MDGA2: variants seen among roughly 807,000 people sequenced by gnomAD.
MDGA2 encodes the protein MAM domain-containing glycosylphosphatidylinositol anchor protein 2.
In MDGA2, 40 loss-of-function variants were observed where a neutral mutation model predicts 117.8. The ratio of observed to expected loss-of-function variants is 0.34; its 90% CI spans 0.26 to 0.44. The LOEUF is 0.44. Among genes scored for constraint, MDGA2 ranks in the 20% least tolerant of loss-of-function variants. MDGA2 has a pLI of 1.00. For synonymous variants in MDGA2, 452 were observed against 439.0 expected (o/e 1.03, Z -0.37); for missense variants, 1,123 against 1,250.6 (o/e 0.90, Z 1.54).
At chr14:46,980,128 A>G (rs1594489348) in intron 8 of MDGA2, among the ~76,000 whole-genome samples, 1 of 152,320 alleles carries the variant, frequency 6.6e-6, no homozygotes, top group East Asian at 1.9e-4. Context: ...TGCTAAATCA[A>G]CATTATGAAT....
At chr14:47,627,708 A>C (rs1350666058) in intron 1 of MDGA2, among the ~76,000 whole-genome samples, 1 of 152,184 alleles carries the variant, frequency 6.6e-6, no homozygotes, top group Non-Finnish European at 1.5e-5. Context: ...AGTCTGCCCC[A>C]GCCAGCAGTG....
chr14:47,203,367 C>T (rs2139451180), intron 3 of MDGA2, among the ~76,000 whole-genome samples: 1 of 151,736 alleles, frequency 6.6e-6, no homozygotes, highest in South Asian at 2.1e-4. Flanking sequence ...TTTTGTGGTC[C>T]TGAAAGGAAG....
chr14:47,251,957 G>A (rs1436566008), intron 2 of MDGA2, among the ~76,000 whole-genome samples: 1 of 112,596 alleles, frequency 8.9e-6, no homozygotes, highest in African/African-American at 2.9e-5. Flanking sequence ...TATTATTATT[G>A]GTGGTGGTTT....
At chr14:46,875,833 T>C (rs1256542072) in intron 12 of MDGA2, among the ~76,000 whole-genome samples, 1 of 151,642 alleles carries the variant, frequency 6.6e-6, no homozygotes, top group Non-Finnish European at 1.5e-5. Context: ...GATAAAGGAT[T>C]TCAGTTTATG....
chr14:46,893,665 AATT>A (rs1225577086), intron 10 of MDGA2, among the ~76,000 whole-genome samples: 8 of 152,154 alleles, frequency 5.3e-5, no homozygotes, highest in African/African-American at 1.7e-4. Flanking sequence ...CAAATTTAAA[AATT>A]ATTAATAGTG....
intron 1 of MDGA2, among the ~76,000 whole-genome samples, chr14:47,392,928 T>A (rs976829336): frequency 6.6e-6 from 1 of 152,040 alleles, no homozygotes; most frequent in Admixed American, 6.6e-5. Flanking sequence ...TTACTTTTAT[T>A]TCTTCATGAG....
intron 1 of MDGA2, among the ~76,000 whole-genome samples, chr14:47,422,148 C>G (rs1309976686): frequency 6.6e-6 from 1 of 152,114 alleles, no homozygotes. Flanking sequence ...ATTTTCTACT[C>G]TCTTCCTTGG....
chr14:47,401,908 T>A (rs2138463974), intron 1 of MDGA2, among the ~76,000 whole-genome samples: 1 of 152,356 alleles, frequency 6.6e-6, no homozygotes, highest in Non-Finnish European at 1.5e-5. Flanking sequence ...GGTTGACAGA[T>A]GAGAGACAGT....
intron 1 of MDGA2, among the ~76,000 whole-genome samples, chr14:47,537,152 G>A (rs1895229240): frequency 1.3e-5 from 2 of 151,900 alleles, no homozygotes; most frequent in African/African-American, 2.4e-5. Flanking sequence ...TCCTTCAAAC[G>A]TGCAACCGTT....
At chr14:47,284,323 A>C (rs575137093) in intron 2 of MDGA2, among the ~76,000 whole-genome samples, 2 of 152,270 alleles carry the variant, frequency 1.3e-5, no homozygotes, top group African/African-American at 4.8e-5. Flanking sequence ...TATTAATATT[A>C]ATATGGCTAA....
intron 8 of MDGA2, among the ~76,000 whole-genome samples, chr14:47,001,732 C>A (rs1398078148): frequency 1.3e-5 from 2 of 152,004 alleles, no homozygotes; most frequent in Non-Finnish European, 2.9e-5. Flanking sequence ...GTATAATACT[C>A]AACACTGGTA....
chr14:47,045,198 T>C (rs181490731), intron 7 of MDGA2, among the ~76,000 whole-genome samples: 98 of 152,286 alleles, frequency 6.4e-4, no homozygotes, highest in African/African-American at 2.3e-3. Context: ...ACAGGTTCTA[T>C]TCTTGCTGCC....
intron 1 of MDGA2, among the ~76,000 whole-genome samples, chr14:47,355,224 A>C (rs947867101): frequency 2.0e-5 from 3 of 152,130 alleles, no homozygotes; most frequent in Non-Finnish European, 4.4e-5. Flanking sequence ...CTTTTTACTT[A>C]AACCCCTTGG....
intron 1 of MDGA2, among the ~76,000 whole-genome samples, chr14:47,651,937 T>G (rs1263141198): frequency 6.6e-6 from 1 of 152,172 alleles, no homozygotes; most frequent in Non-Finnish European, 1.5e-5. Context: ...CAAATTAATG[T>G]TGATGCCTTT....
At chr14:47,015,818 G>T (rs1888064000) in intron 8 of MDGA2, among the ~76,000 whole-genome samples, 1 of 152,026 alleles carries the variant, frequency 6.6e-6, no homozygotes, top group African/African-American at 2.4e-5. Context: ...GATAAAATTA[G>T]AGAGGAGAAA....
chr14:47,353,469 T>A (rs548317646), intron 1 of MDGA2, among the ~76,000 whole-genome samples: 4 of 152,192 alleles, frequency 2.6e-5, no homozygotes, highest in Non-Finnish European at 4.4e-5. Flanking sequence ...TTGTGTTCTC[T>A]CAAAATTTGT....
chr14:47,474,955 T>G (rs769968416), intron 1 of MDGA2, among the ~76,000 whole-genome samples: 5 of 152,144 alleles, frequency 3.3e-5, no homozygotes, highest in African/African-American at 4.8e-5. Context: ...CCAAAAGCTA[T>G]TGCAACAAAA....
chr14:46,974,995 A>G (rs1427165012), intron 8 of MDGA2, among the ~76,000 whole-genome samples: 1 of 152,108 alleles, frequency 6.6e-6, no homozygotes, highest in Non-Finnish European at 1.5e-5. Flanking sequence ...AAACTCCTAA[A>G]ACTCAACAAA....
intron 8 of MDGA2, among the ~76,000 whole-genome samples, chr14:47,018,965 TTGTC>T (rs1888187157): frequency 6.6e-6 from 1 of 152,118 alleles, no homozygotes; most frequent in South Asian, 2.1e-4. Flanking sequence ...TTAAAAGTCT[TTGTC>T]TGCTTCTACA....
Sources: allele counts gnomAD v4.1 joint callset (sites outside exome capture counted in the v4.1 genomes callset), GRCh38; gene constraint gnomAD v4.1.1; transcripts MANE v1.5; gene names NCBI Gene and HGNC (gene_info 2026-07-23, HGNC 2026-07-21).